The following SMYD3 variants were observed in gnomAD, a reference collection of about 807,000 sequenced individuals.
The protein encoded by SMYD3 is histone-lysine N-methyltransferase SMYD3.
Under a neutral mutation model 57.7 loss-of-function variants are expected in SMYD3, and 36 were observed. That is an observed-to-expected ratio of 0.62 (90% confidence interval 0.48 to 0.82). The LOEUF (loss-of-function observed/expected upper bound fraction) is 0.82, where lower values mean the gene tolerates loss of function less well. Ranked by LOEUF, SMYD3 falls within the 40% of genes least tolerant of loss-of-function variation. SMYD3 has a pLI of 0.00. For synonymous variants in SMYD3, 211 were observed against 195.0 expected, an observed-to-expected ratio of 1.08 and a Z score of -0.68; for missense variants, 515 against 538.8, an observed-to-expected ratio of 0.96 and a Z score of 0.44.
chr1:246,434,742 T>C lies in SMYD3; in HGVS notation c.164+72312A>G, dbSNP rs1315195134. Among the ~76,000 whole-genome samples the C allele has an allele frequency of 8.5e-5, 13 of 152,338 alleles. No homozygotes were observed. The East Asian group carries it at 2.5e-3, about 29-fold the overall frequency. On this transcript the variant is annotated intron_variant, in intron 1 of 11. Transcript: ENST00000490107. ...CCACTGTGGAAAGCAGTTTGGAGAT[T>C]TCTCAAAGAACTTGAAACAGAGCTA...
intron 5 of SMYD3, among the ~76,000 whole-genome samples, chr1:246,119,002 G>A (rs771721818): frequency 2.0e-5 from 3 of 147,224 alleles, no homozygotes; most frequent in Non-Finnish European, 4.5e-5. Context: ...CCCTCTAGAC[G>A]TCATTTATTT....
rs118038179 is a variant in SMYD3 at position 246,145,537 on chromosome 1, A to G, written c.531+181664T>C. 7.8e-3 allele frequency among the ~76,000 whole-genome samples: 1,183 copies of G among 152,280 alleles called. 35 individuals carry two copies. The highest frequency in any genetic ancestry group is 0.049 in the East Asian group (256 of 5,188). On this transcript the variant is annotated intron_variant, in intron 5 of 11. Coordinates refer to ENST00000490107, the MANE Select transcript of SMYD3 (RefSeq NM_001167740.2). Reference sequence around the variant, plus strand: ...TTTTACTTGTTTTGATTATTGATTAACTGCTATATACTCACCAAATGTTGC... The same window carrying G: ...TTTTACTTGTTTTGATTATTGATTAGCTGCTATATACTCACCAAATGTTGC...
chr1:246,488,348 A>C (rs1232416321), intron 1 of SMYD3, among the ~76,000 whole-genome samples: 1 of 152,228 alleles, frequency 6.6e-6, no homozygotes, highest in Non-Finnish European at 1.5e-5. Context: ...AAAACAGAAG[A>C]AAGTGAAGGG....
At chr1:246,379,940 C>T (rs965481310) in intron 1 of SMYD3, among the ~76,000 whole-genome samples, 2 of 150,878 alleles carry the variant, frequency 1.3e-5, no homozygotes, top group Admixed American at 6.6e-5. Context: ...GTGGAGGTTG[C>T]ACCTCCCAGG....
intron 1 of SMYD3, among the ~76,000 whole-genome samples, chr1:246,400,414 T>A (rs1430015809): frequency 6.6e-6 from 1 of 152,210 alleles, no homozygotes; most frequent in South Asian, 2.1e-4. Flanking sequence ...TTTGTTTATT[T>A]TTTTTGAAAT....
At chr1:246,281,793 A>G (rs1416870775) in intron 5 of SMYD3, among the ~76,000 whole-genome samples, 1 of 152,222 alleles carries the variant, frequency 6.6e-6, no homozygotes, top group Admixed American at 6.5e-5. Flanking sequence ...AGACACCCAT[A>G]CGTGACTATG....
intron 5 of SMYD3, among the ~76,000 whole-genome samples, chr1:245,962,272 G>A (rs187713984): frequency 2.0e-5 from 3 of 152,168 alleles, no homozygotes; most frequent in Non-Finnish European, 2.9e-5. Context: ...GGGACTTGAC[G>A]CAAGTGGCTT....
At chr1:246,377,567 C>T (rs1029252756) in intron 1 of SMYD3, among the ~76,000 whole-genome samples, 1 of 152,060 alleles carries the variant, frequency 6.6e-6, no homozygotes, top group African/African-American at 2.4e-5. Context: ...TAGGGTTTCT[C>T]CATGTTGGTC....
Position 246,001,009 on chromosome 1 carries a change from A to C in SMYD3, c.532-71072T>G, listed in dbSNP as rs560772642. On this transcript the variant is annotated intron_variant, in intron 5 of 11. Transcript: ENST00000490107. ...TCTAAAGTTCTGTGATGGTAAGAAG[A>C]AGCCCACCAATTATCAGCCCATTTA... Among the ~76,000 whole-genome samples the C allele has an allele frequency of 1.8e-4, 28 of 152,330 alleles. No homozygotes were observed. In the East Asian group the frequency reaches 2.3e-3, roughly 13 times the overall value.
At chr1:245,928,174 G>C (rs1214186657) in intron 6 of SMYD3, 141 bp from the exon 7 acceptor site, 1 of 543,120 alleles carries the variant, frequency 1.8e-6, no homozygotes, top group Non-Finnish European at 3.4e-6. Context: ...TTCAGTACTC[G>C]GGGATGCATT....
At chr1:245,776,310 G>T (rs2046590643) in intron 10 of SMYD3, among the ~76,000 whole-genome samples, 2 of 152,048 alleles carry the variant, frequency 1.3e-5, no homozygotes, top group African/African-American at 4.8e-5. Context: ...GTAATCTAGG[G>T]ATTTAACGAT....
intron 5 of SMYD3, among the ~76,000 whole-genome samples, chr1:246,081,962 A>G (rs910001267): frequency 1.2e-4 from 19 of 152,152 alleles, no homozygotes; most frequent in African/African-American, 4.1e-4. Flanking sequence ...GAGCTCCTGG[A>G]TATTTGAGGA....
intron 5 of SMYD3, among the ~76,000 whole-genome samples, chr1:245,963,131 A>G (rs1343008253): frequency 2.0e-5 from 3 of 152,218 alleles, no homozygotes; most frequent in Non-Finnish European, 4.4e-5. Flanking sequence ...GTAAAAAGCT[A>G]AACAAACTAA....
At chr1:246,284,144 T>C (rs1218711533) in intron 5 of SMYD3, among the ~76,000 whole-genome samples, 4 of 152,164 alleles carry the variant, frequency 2.6e-5, no homozygotes, top group African/African-American at 9.7e-5. Flanking sequence ...CAAAACGGCA[T>C]AGCAGGCTGT....
chr1:245,806,119 G>C (rs1039138352), intron 10 of SMYD3, among the ~76,000 whole-genome samples: 2 of 152,096 alleles, frequency 1.3e-5, no homozygotes, highest in African/African-American at 2.4e-5. Flanking sequence ...CTTTCCAGTT[G>C]TTCAACTTTT....
intron 1 of SMYD3, among the ~76,000 whole-genome samples, chr1:246,461,659 G>A (rs914982193): frequency 2.0e-5 from 3 of 151,022 alleles, no homozygotes; most frequent in East Asian, 1.9e-4. Context: ...GCATGAACCC[G>A]GGAGGCTGAG....
intron 5 of SMYD3, among the ~76,000 whole-genome samples, chr1:245,963,729 A>G (rs916684029): frequency 2.0e-5 from 3 of 152,226 alleles, no homozygotes; most frequent in African/African-American, 7.2e-5. Flanking sequence ...CCCTCCAGAG[A>G]AACTAACCAG....
rs553171061 is a variant in SMYD3 at position 246,368,150 on chromosome 1, G to A, written c.165-13056C>T. On this transcript the variant is annotated intron_variant, in intron 1 of 11. Coordinates refer to ENST00000490107, the MANE Select transcript of SMYD3 (RefSeq NM_001167740.2). ...AAATTAATTGTTCTTCAGTCTTCCA[G>A]TATACAAATTAAAAACTTAGATATG... 8.5e-5 allele frequency among the ~76,000 whole-genome samples: 13 copies of A among 152,256 alleles called. No individual in the cohort carries two copies. In the South Asian group the frequency reaches 2.5e-3, roughly 29 times the overall value.
intron 5 of SMYD3, among the ~76,000 whole-genome samples, chr1:245,941,358 A>T (rs1248226002): frequency 6.6e-6 from 1 of 152,162 alleles, no homozygotes; most frequent in African/African-American, 2.4e-5. Flanking sequence ...CCCAAGACTC[A>T]TAATCATCAG....
Sources: gnomAD v4.1 joint callset for allele counts (sites outside exome capture counted in the v4.1 genomes callset) on GRCh38, gnomAD v4.1.1 for gene constraint, MANE v1.5 for transcripts, NCBI Gene and HGNC (gene_info 2026-07-23, HGNC 2026-07-21) for gene names.